The following COTL1 variants were observed in gnomAD, a reference collection of about 807,000 sequenced individuals.
COTL1 encodes coactosin-like protein.
Under a neutral mutation model 16.5 loss-of-function variants are expected in COTL1, and 15 were observed. The ratio of observed to expected loss-of-function variants is 0.91; its 90% CI spans 0.61 to 1.40. COTL1 has a LOEUF of 1.40. Ranked by LOEUF, COTL1 falls within the 40% of genes most tolerant of loss-of-function variation. The pLI, the probability that COTL1 is intolerant of heterozygous loss-of-function variation, is 0.00. For synonymous variants in COTL1, 112 were observed against 85.3 expected, an observed-to-expected ratio of 1.31 and a Z score of -1.73; for missense variants, 220 against 201.5, an observed-to-expected ratio of 1.09 and a Z score of -0.56.
chr16:84,595,829 A>G (rs1424529679), intron 2 of COTL1: 1 of 152,138 alleles, frequency 6.6e-6, no homozygotes, highest in East Asian at 1.9e-4. Context: ...ATATACATAC[A>G]TTTGTGAGTA....
chr16:84,589,274 C>A (rs952336619), intron 3 of COTL1, among the ~76,000 whole-genome samples: 5 of 152,216 alleles, frequency 3.3e-5, no homozygotes, highest in Non-Finnish European at 5.9e-5. Context: ...CCGCACCCAG[C>A]TGAGTCTATT....
chr16:84,583,291 C>T (rs988718259), intron 3 of COTL1, among the ~76,000 whole-genome samples: 9 of 152,116 alleles, frequency 5.9e-5, no homozygotes, highest in African/African-American at 1.2e-4. Context: ...ATTTAATACA[C>T]GGAAAGTCCT....
chr16:84,569,478 C>T lies in COTL1; in HGVS notation c.319-2523G>A, dbSNP rs139548007. On this transcript the variant is annotated intron_variant, in intron 3 of 3. Transcript: ENST00000262428. Reference sequence around the variant, plus strand: ...CAATAAAAAGACAATGCATTTGGCGCGCAAAGCCACTGAGAACACTAACAA... The same window carrying T: ...CAATAAAAAGACAATGCATTTGGCGTGCAAAGCCACTGAGAACACTAACAA... 2.4e-3 allele frequency among the ~76,000 whole-genome samples: 367 copies of T among 152,226 alleles called. 4 individuals are homozygous for T. The highest frequency in any genetic ancestry group is 8.3e-3 in the African/African-American group (345 of 41,536).
At chr16:84,610,936 T>G (rs1178598360) in intron 2 of COTL1, among the ~76,000 whole-genome samples, 1 of 152,206 alleles carries the variant, frequency 6.6e-6, no homozygotes, top group African/African-American at 2.4e-5. Flanking sequence ...TCAAATTTAT[T>G]TCAACCTATC....
intron 2 of COTL1, chr16:84,616,338 C>G (rs1241162802): frequency 6.6e-6 from 1 of 152,032 alleles, no homozygotes; most frequent in Non-Finnish European, 1.5e-5. Flanking sequence ...CCCATCTCTA[C>G]TAAAATTACA....
intron 2 of COTL1, among the ~76,000 whole-genome samples, chr16:84,605,189 C>T (rs1303659026): frequency 1.3e-5 from 2 of 152,252 alleles, no homozygotes; most frequent in South Asian, 2.1e-4. Context: ...ACAGAAGAGC[C>T]TCCCGTGGTC....
intron 3 of COTL1, among the ~76,000 whole-genome samples, chr16:84,584,479 A>G (rs1326639011): frequency 1.3e-5 from 2 of 152,148 alleles, no homozygotes; most frequent in Non-Finnish European, 2.9e-5. Flanking sequence ...GTTTCCCCAT[A>G]TGCTGATGCA....
intron 2 of COTL1, among the ~76,000 whole-genome samples, chr16:84,601,006 C>A (rs1329004696): frequency 6.6e-6 from 1 of 150,694 alleles, no homozygotes; most frequent in East Asian, 2.0e-4. Context: ...CACCCTCTGA[C>A]TTAGAGAAGA....
intron 2 of COTL1, chr16:84,595,695 A>G (rs1337543407): frequency 6.6e-6 from 1 of 152,176 alleles, no homozygotes; most frequent in Non-Finnish European, 1.5e-5. Flanking sequence ...GCACAGAGAA[A>G]CGCTGTCCTG....
At chr16:84,611,011 C>T (rs1905311413) in intron 2 of COTL1, among the ~76,000 whole-genome samples, 1 of 152,216 alleles carries the variant, frequency 6.6e-6, no homozygotes, top group Admixed American at 6.5e-5. Flanking sequence ...GAGCTTTACT[C>T]TGTGTCAGGC....
chr16:84,577,681 C>T (rs939224690), intron 3 of COTL1, among the ~76,000 whole-genome samples: 3 of 152,150 alleles, frequency 2.0e-5, no homozygotes, highest in African/African-American at 7.2e-5. Flanking sequence ...AGGAGTGACG[C>T]GACCCTGCTG....
At chr16:84,573,018 T>C (rs1247998955) in intron 3 of COTL1, among the ~76,000 whole-genome samples, 1 of 152,094 alleles carries the variant, frequency 6.6e-6, no homozygotes, top group Non-Finnish European at 1.5e-5. Flanking sequence ...CCTCCCAAAG[T>C]GCTAGAATTA....
intron 2 of COTL1, among the ~76,000 whole-genome samples, chr16:84,605,347 G>A (rs746911528): frequency 5.9e-5 from 9 of 152,230 alleles, no homozygotes; most frequent in Non-Finnish European, 1.3e-4. Flanking sequence ...AACAGGGCCC[G>A]CGATGCTGGG....
intron 2 of COTL1, among the ~76,000 whole-genome samples, chr16:84,613,321 G>C (rs1423180088): frequency 6.6e-6 from 1 of 152,164 alleles, no homozygotes; most frequent in Non-Finnish European, 1.5e-5. Flanking sequence ...TGATTCCAAA[G>C]TGTACTCAGA....
At position 84,595,776 on chromosome 16, in the gene COTL1, AAT is replaced by A. The variant is rs200631342; in HGVS notation, c.161-5516_161-5515del. The A allele has an allele frequency of 6.9e-3, 1,046 of 152,298 alleles. 42 individuals carry two copies. Among genetic ancestry groups the A allele is most frequent in the Admixed American group, 4.6e-3 (70 of 15,298 alleles). The allele number at this position is 152,298 out of a possible 1,614,324, so 9.4% of individuals were successfully genotyped here. ...TATATATACATATATTTGTGTGTAT[AAT>A]ATGTGTCTATATGTGTACAGGTGTG... is the stretch of plus-strand genomic sequence containing the variant. On this transcript the variant is annotated intron_variant, in intron 2 of 3. Transcript: ENST00000262428.
At chr16:84,611,923 G>A (rs1905337510) in intron 2 of COTL1, among the ~76,000 whole-genome samples, 1 of 151,958 alleles carries the variant, frequency 6.6e-6, no homozygotes, top group East Asian at 1.9e-4. Flanking sequence ...TCTGGCAAAT[G>A]GCCCCTTTCC....
At chr16:84,577,348 G>C (rs1185088154) in intron 3 of COTL1, among the ~76,000 whole-genome samples, 1 of 152,140 alleles carries the variant, frequency 6.6e-6, no homozygotes, top group Non-Finnish European at 1.5e-5. Flanking sequence ...AAGTTCAAGC[G>C]ATTGTCCTGC....
chr16:84,566,210 C>T lies in COTL1; in HGVS notation c.*635G>A, dbSNP rs1256468394. ...CTCTTCTTATTCAGTCTGAGCCGGACCTAACCTTCTCACCACCGAGCAATC... is the reference window on the plus strand; with the variant it reads ...CTCTTCTTATTCAGTCTGAGCCGGATCTAACCTTCTCACCACCGAGCAATC... On this transcript the variant is annotated 3_prime_UTR_variant, in exon 4 of 4. Transcript: ENST00000262428. 6.5e-6 allele frequency: 1 copy of T among 152,812 alleles called. No individual in the cohort carries two copies. Among genetic ancestry groups the T allele is most frequent in the Admixed American group, 6.5e-5 (1 of 15,296 alleles). 9.5% of individuals were successfully genotyped at this position (152,812 alleles called of 1,614,324 possible). A position where few individuals can be genotyped will look rare whatever the true frequency, so the allele number is the denominator to read the frequency against.
chr16:84,577,378 G>A (rs1330062831), intron 3 of COTL1, among the ~76,000 whole-genome samples: 1 of 152,146 alleles, frequency 6.6e-6, no homozygotes, highest in Admixed American at 6.5e-5. Flanking sequence ...CCAAGTAGCT[G>A]GGACTACAGG....
Sources: gnomAD v4.1 joint callset for allele counts (sites outside exome capture counted in the v4.1 genomes callset) on GRCh38, gnomAD v4.1.1 for gene constraint, MANE v1.5 for transcripts, NCBI Gene and HGNC (gene_info 2026-07-23, HGNC 2026-07-21) for gene names.